Variants in ERAP1 observed in about 807,000 individuals in gnomAD.
ERAP1 encodes the protein adipocyte-derived leucine aminopeptidase.
In ERAP1, 86 loss-of-function variants were observed where a neutral mutation model predicts 103.7. That is an observed-to-expected ratio of 0.83 (90% CI 0.70 to 0.99). The LOEUF (loss-of-function observed/expected upper bound fraction) is 0.99. Ranked by LOEUF, ERAP1 falls within the 50% of genes least tolerant of loss-of-function variation. The pLI, the probability that ERAP1 is intolerant of heterozygous loss-of-function variation, is 0.00. For synonymous variants in ERAP1, 398 were observed against 402.4 expected (o/e 0.99, Z 0.13); for missense variants, 1,009 against 1,128.4 (o/e 0.89, Z 1.52).
the ERAP1 span, chr5:96,909,495 T>C: frequency 9.8e-7 from 1 of 1,017,492 alleles, no homozygotes; most frequent in East Asian, 2.4e-5. Flanking sequence ...ATGCAGAAAG[T>C]TTAGAGTTGA....
At chr5:96,803,297 G>A in intron 2 of ERAP1, 106 bp downstream of exon 2, 2 of 1,256,822 alleles carry the variant, frequency 1.6e-6, no homozygotes, top group Non-Finnish European at 2.2e-6. Context: ...CAAAACTGAA[G>A]AAAAAGTTCA....
Position 96,785,937 on chromosome 5 carries a change from G to A in ERAP1, c.1794C>T (p.Ile598=). 3 of 1,614,092 alleles carry A rather than the reference G, an allele frequency of 1.9e-6. No homozygotes were observed. The highest frequency in any genetic ancestry group is 1.3e-5 in the African/African-American group (1 of 75,014). ...VLILPEEVEW[I]KFNVGMNGYY... ...AGCCATTCATGCCCACATTAAATTT[G>A]ATCCATTCCACCTCTTCTGGGAGGA... is the stretch of plus-strand genomic sequence containing the variant. The change falls in exon 13 of 19, where the codon ATC becomes ATT. Residue 598 remains isoleucine, a synonymous_variant. Coordinates refer to ENST00000443439, the MANE Select transcript of ERAP1 (RefSeq NM_001040458.3).
At chr5:96,914,413 T>C in the ERAP1 span, among the ~76,000 whole-genome samples, 1 of 152,210 alleles carries the variant, frequency 6.6e-6, no homozygotes, top group African/African-American at 2.4e-5. Context: ...TCCCAAATGC[T>C]CAAGGAGTTG....
chr5:96,846,361 T>A, the ERAP1 span, among the ~76,000 whole-genome samples: 1 of 152,204 alleles, frequency 6.6e-6, no homozygotes, highest in East Asian at 1.9e-4. Context: ...TTCTGCACAT[T>A]AGAATCAACT....
At chr5:96,818,018 G>A in the ERAP1 span, among the ~76,000 whole-genome samples, 18 of 152,076 alleles carry the variant, frequency 1.2e-4, no homozygotes, top group Non-Finnish European at 1.8e-4. Flanking sequence ...CTGTACTGAG[G>A]TTGAACAAAT....
Position 96,803,421 on chromosome 5 carries a change from G to C in ERAP1, c.506C>G (p.Thr169Ser). The C allele has an allele frequency of 6.2e-7, 1 of 1,613,184 alleles. No homozygotes were observed. Among genetic ancestry groups the C allele is most frequent in the Non-Finnish European group, 8.5e-7 (1 of 1,179,772 alleles). The change falls in exon 2 of 19, where the codon ACC becomes AGC. Residue 169 changes from threonine to serine, a missense_variant. Thr to Ser is a moderately conservative substitution (Grantham distance 58). Around this residue, in one of 3 missense-constraint regions of ERAP1, gnomAD observed 392 missense variants for 455.2 expected, o/e 0.86. Transcript: ENST00000443439. ...FHGFYKSTYR[T>S]KEGELRILAS... ...AAAATACCTCAGTTCCCCTTCCTTGGTTCTGTAGGTGCTTTTGTAAAATCC... is the reference window on the plus strand; with the variant it reads ...AAAATACCTCAGTTCCCCTTCCTTGCTTCTGTAGGTGCTTTTGTAAAATCC...
chr5:96,903,544 G>A, the ERAP1 span: 2 of 1,604,384 alleles, frequency 1.2e-6, no homozygotes, highest in Non-Finnish European at 1.7e-6. Context: ...GATTCATGAT[G>A]TGTTTCAGCT....
the ERAP1 span, among the ~76,000 whole-genome samples, chr5:96,924,825 T>G: frequency 1.3e-5 from 2 of 152,196 alleles, no homozygotes. Flanking sequence ...CTTGAACTCC[T>G]GACCTCAGGT....
chr5:96,910,004 G>T, the ERAP1 span: 1 of 379,338 alleles, frequency 2.6e-6, no homozygotes, highest in South Asian at 3.5e-5. Context: ...AGTGGCCCAC[G>T]CCTATAATCC....
chr5:96,840,405 C>T, the ERAP1 span, among the ~76,000 whole-genome samples: 2 of 152,224 alleles, frequency 1.3e-5, no homozygotes, highest in Admixed American at 1.3e-4. Flanking sequence ...TCTCTTTCCC[C>T]CAGTGAATCA....
the ERAP1 span, among the ~76,000 whole-genome samples, chr5:96,853,601 T>G: frequency 6.6e-6 from 1 of 152,062 alleles, no homozygotes; most frequent in South Asian, 2.1e-4. Flanking sequence ...GAACTCATCT[T>G]CTCCCAGGAA....
chr5:96,806,359 T>G (rs1778592324), intron 1 of ERAP1, among the ~76,000 whole-genome samples: 1 of 152,036 alleles, frequency 6.6e-6, no homozygotes, highest in African/African-American at 2.4e-5. Flanking sequence ...GAAGTACAAT[T>G]CTCTTTGAAG....
chr5:96,861,295 T>G, the ERAP1 span, among the ~76,000 whole-genome samples: 11 of 152,158 alleles, frequency 7.2e-5, no homozygotes, highest in African/African-American at 2.7e-4. Context: ...ACAGAGGTAA[T>G]GAACACACAG....
At chr5:96,853,751 T>C in the ERAP1 span, among the ~76,000 whole-genome samples, 39 of 151,776 alleles carry the variant, frequency 2.6e-4, no homozygotes, top group African/African-American at 9.2e-4. Context: ...ATCACCCACT[T>C]CATGTAGTAT....
At chr5:96,801,080 A>T (rs1777938256) in intron 2 of ERAP1, 80 bp from the exon 3 acceptor site, 1 of 1,469,392 alleles carries the variant, frequency 6.8e-7, no homozygotes, top group Admixed American at 1.7e-5. Flanking sequence ...TTTAATTCCT[A>T]AAGTTACTAT....
the ERAP1 span, chr5:96,909,526 C>T: frequency 2.1e-6 from 3 of 1,426,612 alleles, no homozygotes; most frequent in East Asian, 2.3e-5. Context: ...TGGGCAAGAA[C>T]TGTGTTAAGG....
At chr5:96,901,385 C>T in the ERAP1 span, 1 of 1,068,932 alleles carries the variant, frequency 9.4e-7, no homozygotes, top group Admixed American at 2.2e-5. Context: ...CCTGAGATAC[C>T]AGTCCGAGTC....
At chr5:96,888,661 C>T in the ERAP1 span, among the ~76,000 whole-genome samples, 1 of 152,170 alleles carries the variant, frequency 6.6e-6, no homozygotes. Flanking sequence ...GAATCTAATT[C>T]TATTTTTTCT....
intron 19 of ERAP1, chr5:96,767,850 C>A: frequency 1.0e-6 from 1 of 982,076 alleles, no homozygotes; most frequent in Non-Finnish European, 1.6e-6. Flanking sequence ...GAAAAGACCC[C>A]ATATTGCATT....
Sources: gnomAD v4.1 joint callset for allele counts (sites outside exome capture counted in the v4.1 genomes callset) on GRCh38, gnomAD v4.1.1 for gene constraint, gnomAD v4.1.1 regional missense constraint, MANE v1.5 for transcripts, NCBI Gene and HGNC (gene_info 2026-07-23, HGNC 2026-07-21) for gene names.